Variants in FARS2 observed in about 807,000 individuals in gnomAD.
The protein encoded by FARS2 is phenylalanyl-tRNA synthetase 2, mitochondrial, also known as phenylalanine--tRNA ligase, mitochondrial.
In FARS2, 40 loss-of-function variants were observed where a neutral mutation model predicts 46.4. That is an observed-to-expected ratio of 0.86 (90% CI 0.67 to 1.12). The LOEUF is 1.12. Among genes scored for constraint, FARS2 ranks in the 50% most tolerant of loss-of-function variants. The pLI, the probability that FARS2 is intolerant of heterozygous loss-of-function variation, is 0.00. For missense variants in FARS2, 513 were observed against 567.9 expected (o/e 0.90, Z 0.98); for synonymous variants, 234 against 214.9 (o/e 1.09, Z -0.78).
chr6:5,753,870 A>C (rs1221324677), intron 6 of FARS2, among the ~76,000 whole-genome samples: 1 of 152,200 alleles, frequency 6.6e-6, no homozygotes, highest in Non-Finnish European at 1.5e-5. Context: ...ACCTGCCTAC[A>C]TGTCACATGC....
At chr6:5,369,545 G>C (rs1182954290) in intron 2 of FARS2, among the ~76,000 whole-genome samples, 1 of 152,150 alleles carries the variant, frequency 6.6e-6, no homozygotes, top group Admixed American at 6.6e-5. Context: ...CTGTGGTCAG[G>C]TCATTCTTAA....
Position 5,369,181 on chromosome 6 carries a change from A to G in FARS2, c.611A>G (p.Glu204Gly). 1 of 1,604,626 alleles carries G rather than the reference A, an allele frequency of 6.2e-7. No homozygotes were observed. The highest frequency in any genetic ancestry group is 1.1e-5 in the South Asian group (1 of 91,026). ...GCCGTGCGGCTCTTCTCCAAGCATG[A>G]GGTGAGTCTTGAGATGTTTCTCATC... ...LEAVRLFSKH[E>G]LFAGIKDGES... The change falls in exon 2 of 7, where the codon GAG becomes GGG. Residue 204 changes from glutamate to glycine, a missense_variant and splice_region_variant. Transcript: ENST00000274680.
At chr6:5,623,869 C>T (rs1561760185) in intron 6 of FARS2, among the ~76,000 whole-genome samples, 1 of 152,182 alleles carries the variant, frequency 6.6e-6, no homozygotes, top group Non-Finnish European at 1.5e-5. Context: ...AAATCACATC[C>T]TGGTCTTATT....
intron 4 of FARS2, among the ~76,000 whole-genome samples, chr6:5,506,869 T>A (rs377306070): frequency 6.6e-6 from 1 of 152,226 alleles, no homozygotes; most frequent in African/African-American, 2.4e-5. Context: ...TCAGTGTTGC[T>A]CTTGGCAATC....
chr6:5,250,198 T>A, the FARS2 span, among the ~76,000 whole-genome samples: 1 of 152,128 alleles, frequency 6.6e-6, no homozygotes, highest in African/African-American at 2.4e-5. Context: ...GTATTTTATT[T>A]TATTATATTT....
At chr6:5,743,001 AG>A (rs754445291) in intron 6 of FARS2, among the ~76,000 whole-genome samples, 5 of 151,902 alleles carry the variant, frequency 3.3e-5, no homozygotes, top group Non-Finnish European at 7.4e-5. Context: ...TGTTTGTGTG[AG>A]GGTGGAGTGG....
intron 4 of FARS2, among the ~76,000 whole-genome samples, chr6:5,543,618 G>C (rs6942094): frequency 0.9 from 136,831 of 152,170 alleles, 61,643 homozygotes; most frequent in East Asian, 0.99. Context: ...GCCTTGTCCT[G>C]CCAAAGTGCT....
chr6:5,301,325 C>T (rs983930666), intron 1 of FARS2, among the ~76,000 whole-genome samples: 8 of 152,082 alleles, frequency 5.3e-5, no homozygotes, highest in African/African-American at 1.9e-4. Context: ...GTGGCATGCA[C>T]CTGTAGTCCC....
chr6:5,353,228 CAATT>C (rs1340088275), intron 1 of FARS2, among the ~76,000 whole-genome samples: 9 of 152,102 alleles, frequency 5.9e-5, no homozygotes, highest in African/African-American at 2.2e-4. Context: ...CTGTAAATGA[CAATT>C]TAATTCTTTT....
chr6:5,662,061 C>A (rs1387381732), intron 6 of FARS2, among the ~76,000 whole-genome samples: 2 of 152,130 alleles, frequency 1.3e-5, no homozygotes, highest in Non-Finnish European at 2.9e-5. Flanking sequence ...AAAATATTTT[C>A]TCTTGTTTTG....
intron 4 of FARS2, among the ~76,000 whole-genome samples, chr6:5,444,485 AAAAAAAAAG>A (rs1283128437): frequency 3.1e-4 from 29 of 92,728 alleles, no homozygotes; most frequent in South Asian, 6.9e-4. Context: ...AAAAAAAAAA[AAAAAAAAAG>A]AGAGAGAGAG....
intron 1 of FARS2, among the ~76,000 whole-genome samples, chr6:5,352,204 C>T (rs1014526153): frequency 3.3e-5 from 5 of 150,292 alleles, no homozygotes; most frequent in African/African-American, 1.2e-4. Context: ...TGGCCAAAGA[C>T]AATTCTTCTG....
intron 2 of FARS2, among the ~76,000 whole-genome samples, chr6:5,398,532 C>T (rs1428348820): frequency 3.3e-5 from 5 of 152,168 alleles, no homozygotes; most frequent in African/African-American, 7.2e-5. Context: ...TTCTCCACCC[C>T]AGCCCTGGAA....
intron 6 of FARS2, among the ~76,000 whole-genome samples, chr6:5,614,233 T>C (rs1157316418): frequency 2.6e-5 from 4 of 152,184 alleles, no homozygotes; most frequent in Non-Finnish European, 1.5e-5. Flanking sequence ...CACCTTTAAA[T>C]GGTCCCCTTT....
At chr6:5,317,709 G>A (rs1411514226) in intron 1 of FARS2, among the ~76,000 whole-genome samples, 2 of 151,948 alleles carry the variant, frequency 1.3e-5, no homozygotes, top group Admixed American at 6.6e-5. Flanking sequence ...GAGCCCAGGA[G>A]GTTGAGGCAT....
intron 5 of FARS2, among the ~76,000 whole-genome samples, chr6:5,612,373 A>AT (rs1775236304): frequency 2.0e-5 from 3 of 152,324 alleles, no homozygotes; most frequent in South Asian, 4.1e-4. Flanking sequence ...GTTATGTAAC[A>AT]AAACTTTTTT....
intron 6 of FARS2, among the ~76,000 whole-genome samples, chr6:5,718,418 A>G (rs1344063803): frequency 1.3e-5 from 2 of 152,184 alleles, no homozygotes; most frequent in Admixed American, 6.5e-5. Flanking sequence ...TTGTTACTGT[A>G]TACCCTTTTT....
intron 4 of FARS2, among the ~76,000 whole-genome samples, chr6:5,508,041 G>A (rs1035840495): frequency 4.6e-5 from 7 of 152,180 alleles, no homozygotes; most frequent in Admixed American, 2.0e-4. Flanking sequence ...ATTAAAGCAA[G>A]GTATGCTTCT....
intron 5 of FARS2, among the ~76,000 whole-genome samples, chr6:5,602,203 T>C (rs1774560206): frequency 1.3e-5 from 2 of 152,182 alleles, no homozygotes; most frequent in Admixed American, 1.3e-4. Context: ...AATATTTTGA[T>C]GCAGAAAGAA....
Sources: allele counts gnomAD v4.1 joint callset (sites outside exome capture counted in the v4.1 genomes callset), GRCh38; gene constraint gnomAD v4.1.1; transcripts MANE v1.5; gene names NCBI Gene and HGNC (gene_info 2026-07-23, HGNC 2026-07-21).